The following HEATR5B variants were observed in gnomAD, a reference collection of about 807,000 sequenced individuals.
The protein encoded by HEATR5B is HEAT repeat containing 5B, also known as HEAT repeat-containing protein 5B.
HEATR5B carries 156 observed loss-of-function variants against 224.1 expected under a neutral mutation model. The ratio of observed to expected loss-of-function variants is 0.70; its 90% confidence interval spans 0.61 to 0.80. The LOEUF is 0.80. Ranked by LOEUF, HEATR5B falls within the 30% of genes least tolerant of loss-of-function variation. The pLI is 0.00. For missense variants in HEATR5B, 2,323 were observed against 2,535.5 expected (o/e 0.92, Z 1.80); for synonymous variants, 1,027 against 893.0 (o/e 1.15, Z -2.68).
intron 9 of HEATR5B, 51 bp from the exon 10 acceptor site, chr2:37,065,041 C>G (rs375187899): frequency 1.3e-6 from 2 of 1,559,456 alleles, no homozygotes; most frequent in Admixed American, 1.7e-5. Context: ...CAAATGATTT[C>G]AGAAACTCAA....
At chr2:37,018,918 T>C (rs576547452) in intron 26 of HEATR5B, among the ~76,000 whole-genome samples, 38 of 152,208 alleles carry the variant, frequency 2.5e-4, no homozygotes, top group African/African-American at 8.9e-4. Flanking sequence ...TACCAGCACT[T>C]TGGGAGGCCA....
At chr2:37,011,052 T>A (rs1374296492) in intron 27 of HEATR5B, among the ~76,000 whole-genome samples, 2 of 152,222 alleles carry the variant, frequency 1.3e-5, no homozygotes, top group Admixed American at 1.3e-4. Flanking sequence ...ACAAAGATAA[T>A]CTTTTTAATG....
In HEATR5B at chr2:37,070,308, T is replaced by C; in HGVS notation, c.849A>G (p.Ser283=). Residue 283 remains serine, a synonymous_variant, in exon 7 of 36, where the codon TCA becomes TCG. Transcript: ENST00000233099. ...LMATGFLRGG[S]GFLKSGGEML... The stretch of plus-strand genomic sequence containing the variant: ...TTTCTCCACCGCTCTTTAAGAAACC[T>C]GACCCTCCACGCAGAAATCCTGTGG... 1 of 1,614,078 alleles carries C rather than the reference T, an allele frequency of 6.2e-7. No individual in the cohort carries two copies. The highest frequency in any genetic ancestry group is 8.5e-7 in the Non-Finnish European group (1 of 1,179,936).
At chr2:37,023,841 A>G (rs1365221015) in intron 24 of HEATR5B, among the ~76,000 whole-genome samples, 1 of 152,116 alleles carries the variant, frequency 6.6e-6, no homozygotes, top group African/African-American at 2.4e-5. Context: ...GTGGGAGGCA[A>G]GCAGAGAAGG....
chr2:36,994,419 C>T (rs1666547099), intron 33 of HEATR5B, among the ~76,000 whole-genome samples: 1 of 152,188 alleles, frequency 6.6e-6, no homozygotes, highest in Middle Eastern at 3.4e-3. Context: ...TGAAAGATGC[C>T]AGATTTTGTA....
chr2:36,985,938 T>C (rs1405003236), intron 35 of HEATR5B, among the ~76,000 whole-genome samples: 1 of 152,032 alleles, frequency 6.6e-6, no homozygotes, highest in African/African-American at 2.4e-5. Flanking sequence ...ATACAAATGA[T>C]ATATATATTC....
chr2:37,037,145 G>GAGATGGATATATATATAT lies in HEATR5B; in HGVS notation c.3216+709_3216+710insATATATATATATCCATCT. Reference sequence around the variant, plus strand: ...TTCCGAGTAGGAAAACTAAAAATGTGATATATATATATATTTTGGAGATGG... The same window carrying GAGATGGATATATATATAT: ...TTCCGAGTAGGAAAACTAAAAATGTGAGATGGATATATATATATATATATATATATATTTTGGAGATGG... On this transcript the variant is annotated intron_variant, in intron 21 of 35. Coordinates refer to ENST00000233099, the MANE Select transcript of HEATR5B (RefSeq NM_019024.3). Among the ~76,000 whole-genome samples, 33 of 89,170 alleles carry GAGATGGATATATATATAT rather than the reference G, an allele frequency of 3.7e-4. 5 individuals carry two copies. The highest frequency in any genetic ancestry group is 1.9e-3 in the South Asian group (4 of 2,104). The allele number at this position is 89,170 out of a possible 152,430, so 58.5% of individuals were successfully genotyped here.
intron 3 of HEATR5B, 137 bp from the exon 4 acceptor site, chr2:37,077,156 T>G: frequency 1.5e-6 from 1 of 662,662 alleles, no homozygotes; most frequent in South Asian, 1.8e-5. Context: ...CAAAAACAAT[T>G]TATGCTTCAT....
At chr2:37,070,189 C>G in intron 7 of HEATR5B, 41 bp downstream of exon 7, 1 of 1,605,474 alleles carries the variant, frequency 6.2e-7, no homozygotes, top group Non-Finnish European at 8.5e-7. Flanking sequence ...CGTGAGCCAC[C>G]GTGCCTGGCC....
chr2:37,067,034 T>C (rs1671630524), intron 8 of HEATR5B, among the ~76,000 whole-genome samples: 1 of 151,606 alleles, frequency 6.6e-6, no homozygotes, highest in African/African-American at 2.4e-5. Flanking sequence ...CACGCCTGAT[T>C]AATTTTTGTA....
intron 34 of HEATR5B, 38 bp from the exon 35 acceptor site, chr2:36,988,897 T>C: frequency 1.4e-6 from 2 of 1,447,788 alleles, no homozygotes; most frequent in Non-Finnish European, 1.9e-6. Context: ...AACATGTGTA[T>C]AGTTCTTATT....
chr2:37,007,192 C>A lies in HEATR5B; in HGVS notation c.4635G>T (p.Thr1545=). 1 of 1,614,080 alleles carries A rather than the reference C, an allele frequency of 6.2e-7. No individual in the cohort carries two copies. The highest frequency in any genetic ancestry group is 8.5e-7 in the Non-Finnish European group (1 of 1,180,028). The part of the protein sequence containing the change: ...VALWLNSTGF[T]CSESTEAAAI... ...CTGCTGCTTCTGTAGACTCTGAGCACGTAAATCCTGTGCTATTTAACCAAA... is the reference window on the plus strand; with the variant it reads ...CTGCTGCTTCTGTAGACTCTGAGCAAGTAAATCCTGTGCTATTTAACCAAA... The change falls in exon 29 of 36, where the codon ACG becomes ACT. Residue 1545 remains threonine, a synonymous_variant. Coordinates refer to ENST00000233099, the MANE Select transcript of HEATR5B (RefSeq NM_019024.3).
At chr2:37,018,110 G>A (rs553448168) in intron 26 of HEATR5B, among the ~76,000 whole-genome samples, 1 of 151,446 alleles carries the variant, frequency 6.6e-6, no homozygotes, top group Non-Finnish European at 1.5e-5. Flanking sequence ...TGCTTTACCT[G>A]TCAGGAAACC....
Position 37,068,850 on chromosome 2 carries a change from A to G in HEATR5B, c.1008T>C (p.Asp336=), listed in dbSNP as rs1437815702. 1 of 1,614,188 alleles carries G rather than the reference A, an allele frequency of 6.2e-7. No homozygotes were observed. The highest frequency in any genetic ancestry group is 1.1e-5 in the South Asian group (1 of 91,088). Residue 336 remains aspartate, a synonymous_variant, in exon 8 of 36, where the codon GAT becomes GAC. Coordinates refer to ENST00000233099, the MANE Select transcript of HEATR5B (RefSeq NM_019024.3). ...SFATFLSHVL[D]LVSHPRATQT... ...GTGTTGCCCGAGGATGGGAAACCAG[A>G]TCAAGTACATGGGACAGGAACGTGG...
chr2:37,071,190 G>T (rs1427933721), intron 6 of HEATR5B, among the ~76,000 whole-genome samples: 1 of 152,004 alleles, frequency 6.6e-6, no homozygotes, highest in Non-Finnish European at 1.5e-5. Context: ...CATTAAAGAT[G>T]AAAATCAAAG....
Position 37,060,583 on chromosome 2 carries a change from C to G in HEATR5B, c.1847G>C (p.Cys616Ser). The change falls in exon 12 of 36, where the codon TGT (cysteine) becomes TCT (serine). Residue 616 changes from cysteine (C) to serine (S), a missense_variant and splice_region_variant. Cys to Ser is a moderately radical substitution (Grantham distance 112). This residue lies in a region of HEATR5B where 502 missense variants were observed against 517.8 expected (regional missense o/e 0.97). Transcript: ENST00000233099. Reference protein sequence around the residue: ...VTLEGRAGALCAMRSFVAHCP... With the variant: ...VTLEGRAGALSAMRSFVAHCP... ...AGCACAATCCTTTCAGTTCTTACCA[C>G]ATAGAGCTCCAGCACGACCTTCCAA... The G allele has an allele frequency of 6.2e-7, 1 of 1,612,900 alleles. No individual in the cohort carries two copies. Among genetic ancestry groups the G allele is most frequent in the Non-Finnish European group, 8.5e-7 (1 of 1,179,242 alleles).
Position 37,079,176 on chromosome 2 carries a change from T to C in HEATR5B, c.282A>G (p.Lys94=). The change falls in exon 3 of 36, where the codon AAA becomes AAG. Residue 94 remains lysine (K), a synonymous_variant. Coordinates refer to ENST00000233099, the MANE Select transcript of HEATR5B (RefSeq NM_019024.3). ...DTFTVFQTLD[K]CNDIIRNKDD... is the part of the protein sequence containing the mutation. Reference sequence around the variant, plus strand: ...CTTTATTTCTGATAATGTCATTGCATTTATCAAGTGTCTGAAAAACTGTGA... The same window carrying C: ...CTTTATTTCTGATAATGTCATTGCACTTATCAAGTGTCTGAAAAACTGTGA... 1 of 1,610,740 alleles carries C rather than the reference T, an allele frequency of 6.2e-7. No individual in the cohort carries two copies. The highest frequency in any genetic ancestry group is 8.5e-7 in the Non-Finnish European group (1 of 1,177,368).
chr2:37,079,327 T>A lies in HEATR5B; in HGVS notation c.131A>T (p.Asp44Val). Residue 44 changes from aspartate (D) to valine (V), a missense_variant, in exon 3 of 36, where the codon GAT becomes GTT. Asp to Val is a radical substitution (Grantham distance 152). Around this residue, in one of 12 missense-constraint regions of HEATR5B, gnomAD observed 292 missense variants for 332.6 expected, o/e 0.88. Transcript: ENST00000233099. ...DKVLVAANKTDVKEKQKKLVE... is the reference protein window; with the variant it reads ...DKVLVAANKTVVKEKQKKLVE... The stretch of plus-strand genomic sequence containing the variant: ...AAGTTTTTTCTGTTTTTCCTTTACA[T>A]CGGTCTGTTACAAAAAAAATTTTTA... The A allele has an allele frequency of 6.3e-7, 1 of 1,587,326 alleles. No homozygotes were observed. The highest frequency in any genetic ancestry group is 8.6e-7 in the Non-Finnish European group (1 of 1,168,962).
At chr2:37,043,668 A>G (rs955893460) in intron 18 of HEATR5B, among the ~76,000 whole-genome samples, 4 of 152,336 alleles carry the variant, frequency 2.6e-5, no homozygotes, top group African/African-American at 9.6e-5. Flanking sequence ...TGCAAAAAAG[A>G]CTTCATTGAC....
Sources: gnomAD v4.1 joint callset for allele counts (sites outside exome capture counted in the v4.1 genomes callset) on GRCh38, gnomAD v4.1.1 for gene constraint, gnomAD v4.1.1 regional missense constraint, MANE v1.5 for transcripts, NCBI Gene and HGNC (gene_info 2026-07-23, HGNC 2026-07-21) for gene names.